Variants in REL observed in about 807,000 individuals in gnomAD.
REL encodes REL proto-oncogene, NF-kB subunit, also known as proto-oncogene c-Rel.
A neutral mutation model predicts 45.9 loss-of-function variants in REL; 15 were observed. That is an observed-to-expected ratio of 0.33 (90% CI 0.22 to 0.50). The LOEUF is 0.50. Ranked by LOEUF, REL falls within the 20% of genes least tolerant of loss-of-function variation. The probability of loss-of-function intolerance (pLI) is 0.98; values close to 1 mark genes in which losing one functional copy is unlikely to be tolerated. For synonymous variants in REL, 239 were observed against 242.1 expected (o/e 0.99, Z 0.12); for missense variants, 601 against 715.2 (o/e 0.84, Z 1.82).
In REL at chr2:60,916,902, T is replaced by C; in HGVS notation, c.420T>C (p.Ile140=). Reference sequence around the variant, plus strand: ...TCCCTGAAAAACAGCTGAATGATATTGAAGATTGTGACCTCAATGTGGTGA... The same window carrying C: ...TCCCTGAAAAACAGCTGAATGATATCGAAGATTGTGACCTCAATGTGGTGA... ...FNVPEKQLND[I]EDCDLNVVRL... is the part of the protein sequence containing the mutation. Residue 140 remains isoleucine (I), a synonymous_variant, in exon 5 of 10, where the codon ATT becomes ATC. Coordinates refer to ENST00000394479, the MANE Select transcript of REL (RefSeq NM_001291746.2). The C allele has an allele frequency of 6.2e-7, 1 of 1,613,324 alleles. No homozygotes were observed. Among genetic ancestry groups the C allele is most frequent in the Non-Finnish European group, 8.5e-7 (1 of 1,179,608 alleles).
chr2:60,922,657 T>C lies in REL; in HGVS notation c.*122T>C, dbSNP rs1674176862. 2 of 1,343,114 alleles carry C rather than the reference T, an allele frequency of 1.5e-6. No individual in the cohort carries two copies. The highest frequency in any genetic ancestry group is 9.6e-7 in the Non-Finnish European group (1 of 1,045,464). 83.2% of individuals were successfully genotyped at this position (1,343,114 alleles called of 1,614,324 possible). On this transcript the variant is annotated 3_prime_UTR_variant, in exon 10 of 10. Coordinates refer to ENST00000394479, the MANE Select transcript of REL (RefSeq NM_001291746.2). Reference sequence around the variant, plus strand: ...GTATATATAATACTGACTGAGAATATAATACTGTATTTGAGAATATAAAAA... The same window carrying C: ...GTATATATAATACTGACTGAGAATACAATACTGTATTTGAGAATATAAAAA...
At chr2:60,902,873 G>A (rs1673535354) in intron 4 of REL, among the ~76,000 whole-genome samples, 1 of 152,152 alleles carries the variant, frequency 6.6e-6, no homozygotes, top group Admixed American at 6.5e-5. Flanking sequence ...ACAGGCATGA[G>A]CCACTGCACC....
At position 60,891,686 on chromosome 2, in the gene REL, C is replaced by G; in HGVS notation, c.14C>G (p.Ala5Gly). ...CTCCTTTTTAAAAACTTTTCAGGTG[C>G]GTATAACCCGTATATAGAGATAATT... The part of the protein sequence containing the change: MASG[A>G]YNPYIEIIEQ... Residue 5 changes from alanine to glycine, a missense_variant, in exon 2 of 10, where the codon GCG becomes GGG. Ala to Gly is a moderately conservative substitution (Grantham distance 60). Around this residue, in one of 4 missense-constraint regions of REL, gnomAD observed 24 missense variants for 18.2 expected, o/e 1.32. Transcript: ENST00000394479. The G allele has an allele frequency of 6.2e-7, 1 of 1,604,964 alleles. No homozygotes were observed. The highest frequency in any genetic ancestry group is 8.5e-7 in the Non-Finnish European group (1 of 1,175,498).
chr2:60,916,962 T>C lies in REL; in HGVS notation c.480T>C (p.His160=). 1 of 1,613,488 alleles carries C rather than the reference T, an allele frequency of 6.2e-7. No individual in the cohort carries two copies. Among genetic ancestry groups the C allele is most frequent in the Non-Finnish European group, 8.5e-7 (1 of 1,179,518 alleles). The change falls in exon 5 of 10, where the codon CAT becomes CAC. Residue 160 remains histidine (H), a synonymous_variant. Coordinates refer to ENST00000394479, the MANE Select transcript of REL (RefSeq NM_001291746.2). ...LCFQVFLPDE[H]GNLTTALPPV... is the part of the protein sequence containing the mutation. Reference sequence around the variant, plus strand: ...TTCAAGTTTTTCTCCCTGATGAACATGGTAATTTGACGACTGCTCTTCCTC... The same window carrying C: ...TTCAAGTTTTTCTCCCTGATGAACACGGTAATTTGACGACTGCTCTTCCTC...
chr2:60,917,042 T>C (rs753473951), intron 5 of REL, 25 bp downstream of exon 5: 1 of 1,587,296 alleles, frequency 6.3e-7, no homozygotes, highest in East Asian at 2.2e-5. Context: ...TTCTTATATT[T>C]GTAGTCTTAA....
chr2:60,882,896 G>T (rs1217044331), intron 1 of REL, among the ~76,000 whole-genome samples: 14 of 152,062 alleles, frequency 9.2e-5, no homozygotes, highest in Non-Finnish European at 1.0e-4. Flanking sequence ...CTCTCCCTTT[G>T]GGGGGGAATA....
At chr2:60,890,385 T>C (rs1299476670) in intron 1 of REL, among the ~76,000 whole-genome samples, 1 of 152,220 alleles carries the variant, frequency 6.6e-6, no homozygotes, top group East Asian at 1.9e-4. Context: ...TCACATTTCC[T>C]TGGTCTTACT....
At chr2:60,919,412 G>T (rs1037492890) in intron 7 of REL, among the ~76,000 whole-genome samples, 4 of 146,792 alleles carry the variant, frequency 2.7e-5, no homozygotes, top group African/African-American at 8.1e-5. Flanking sequence ...TTTTTGTGGG[G>T]TTTTTTTGTT....
At chr2:60,893,715 T>C (rs150205756) in intron 2 of REL, among the ~76,000 whole-genome samples, 1 of 152,342 alleles carries the variant, frequency 6.6e-6, no homozygotes, top group Non-Finnish European at 1.5e-5. Flanking sequence ...ATTCTTACTT[T>C]ACCTTGCTCC....
chr2:60,891,856 C>G (rs1055364766), intron 2 of REL, 31 bp downstream of exon 2: 2 of 1,561,600 alleles, frequency 1.3e-6, no homozygotes, highest in African/African-American at 2.7e-5. Flanking sequence ...GTCTATCTCA[C>G]TATTAGTTGC....
chr2:60,926,175 T>TA lies in REL; in HGVS notation c.*3641dup, dbSNP rs1275520884. The TA allele has an allele frequency of 4.3e-6, 1 of 231,104 alleles. No homozygotes were observed. The highest frequency in any genetic ancestry group is 8.6e-6 in the Non-Finnish European group (1 of 116,390). 14.3% of individuals were successfully genotyped at this position (231,104 alleles called of 1,614,324 possible). Reference sequence around the variant, plus strand: ...TGCCAGGCTGTGTTTACTTTATCCTTACATCACCACTTAGTGATTCCTTTC... The same window carrying TA: ...TGCCAGGCTGTGTTTACTTTATCCTTAACATCACCACTTAGTGATTCCTTTC... On this transcript the variant is annotated 3_prime_UTR_variant, in exon 10 of 10. Coordinates refer to ENST00000394479, the MANE Select transcript of REL (RefSeq NM_001291746.2).
At position 60,901,090 on chromosome 2, in the gene REL, A is replaced by G. The variant is rs1169864773; in HGVS notation, c.394+7A>G. On this transcript the variant is annotated splice_region_variant and intron_variant, in intron 4 of 9. Coordinates refer to ENST00000394479, the MANE Select transcript of REL (RefSeq NM_001291746.2). Reference sequence around the variant, plus strand: ...GGAATCAATCCATTCAATGGTAAGTATGTTTGATAAAATCATTTCTATTTA... The same window carrying G: ...GGAATCAATCCATTCAATGGTAAGTGTGTTTGATAAAATCATTTCTATTTA... The G allele has an allele frequency of 6.5e-7, 1 of 1,542,538 alleles. No homozygotes were observed. The highest frequency in any genetic ancestry group is 1.2e-5 in the South Asian group (1 of 81,926).
Position 60,901,743 on chromosome 2 carries a change from T to C in REL, c.394+660T>C, listed in dbSNP as rs1573326324. 2.6e-5 allele frequency among the ~76,000 whole-genome samples: 4 copies of C among 152,290 alleles called. No individual in the cohort carries two copies. The South Asian group carries it at 8.3e-4, about 32-fold the overall frequency. ...TTGAGTGTTAAATAGGCACTGTGTT[T>C]ATAAGGTATTGGAGTGCATTTAGCT... On this transcript the variant is annotated intron_variant, in intron 4 of 9. Transcript: ENST00000394479.
Position 60,930,714 on chromosome 2 carries a change from T to A in REL, c.*8179T>A, listed in dbSNP as rs1287515508. ...TTTTCAAAAGTAATCACTCTATTTA[T>A]TCTAAATGTCTGTGGCTTTAGGAAA... On this transcript the variant is annotated 3_prime_UTR_variant, in exon 10 of 10. Coordinates refer to ENST00000394479, the MANE Select transcript of REL (RefSeq NM_001291746.2). The A allele has an allele frequency of 1.3e-5, 2 of 152,344 alleles. No individual in the cohort carries two copies. Among genetic ancestry groups the A allele is most frequent in the Non-Finnish European group, 2.9e-5 (2 of 68,010 alleles). The allele number at this position is 152,344 out of a possible 1,614,324, so 9.4% of individuals were successfully genotyped here. A position where few individuals can be genotyped will look rare whatever the true frequency, so the allele number is the denominator to read the frequency against.
At chr2:60,918,082 C>T (rs566756138) in intron 5 of REL, 109 bp from the exon 6 acceptor site, 2 of 650,510 alleles carry the variant, frequency 3.1e-6, no homozygotes, top group South Asian at 4.2e-5. Flanking sequence ...TTTATCTATA[C>T]ACTAAAACTT....
chr2:60,921,931 C>T lies in REL; in HGVS notation c.1160C>T (p.Thr387Ile), dbSNP rs1573348290. ...SSSWSSVAHP[T>I]PRSGNTNPLS... The stretch of plus-strand genomic sequence containing the variant: ...AGCTGGTCATCAGTGGCCCACCCCA[C>T]CCCACGCTCAGGCAATACAAACCCA... The change falls in exon 10 of 10, where the codon ACC becomes ATC. Residue 387 changes from threonine to isoleucine, a missense_variant. Around this residue, in one of 4 missense-constraint regions of REL, gnomAD observed 334 missense variants for 333.1 expected, o/e 1.00. Transcript: ENST00000394479. The T allele has an allele frequency of 6.2e-7, 1 of 1,614,146 alleles. No homozygotes were observed.
chr2:60,910,490 A>C (rs186311350), intron 4 of REL, among the ~76,000 whole-genome samples: 2,470 of 151,614 alleles, frequency 0.016, 37 homozygotes, highest in Non-Finnish European at 0.026. Flanking sequence ...AACAAAAAAA[A>C]AAAAAACATA....
intron 1 of REL, among the ~76,000 whole-genome samples, chr2:60,886,253 A>G (rs1371897199): frequency 6.6e-6 from 1 of 152,200 alleles, no homozygotes; most frequent in African/African-American, 2.4e-5. Flanking sequence ...ATGTTTTGAA[A>G]AAACTACCTA....
At chr2:60,921,261 A>AT (rs1278672118) in intron 9 of REL, among the ~76,000 whole-genome samples, 2 of 151,882 alleles carry the variant, frequency 1.3e-5, no homozygotes, top group Non-Finnish European at 2.9e-5. Context: ...TTTTTCTGTA[A>AT]TTTTTTTCTG....
Sources: allele counts gnomAD v4.1 joint callset (sites outside exome capture counted in the v4.1 genomes callset), GRCh38; gene constraint gnomAD v4.1.1; regional missense constraint gnomAD v4.1.1; transcripts MANE v1.5; gene names NCBI Gene and HGNC (gene_info 2026-07-23, HGNC 2026-07-21).